Variants in MYRFL observed in about 807,000 individuals in gnomAD.
MYRFL encodes myelin regulatory factor like.
In MYRFL, 88 loss-of-function variants were observed where a neutral mutation model predicts 109.4. The ratio of observed to expected loss-of-function variants is 0.80; its 90% CI spans 0.68 to 0.96. The LOEUF is 0.96. Ranked by LOEUF, MYRFL falls within the 40% of genes least tolerant of loss-of-function variation. The pLI is 0.00. For missense variants in MYRFL, 957 were observed against 954.9 expected (o/e 1.00, Z -0.03); for synonymous variants, 324 against 320.9 (o/e 1.01, Z -0.10).
intron 1 of MYRFL, among the ~76,000 whole-genome samples, chr12:69,841,926 T>A (rs1482866772): frequency 2.0e-5 from 3 of 152,140 alleles, no homozygotes; most frequent in Non-Finnish European, 4.4e-5. Context: ...TTCCCACAAC[T>A]CCTCTGTGAG....
Position 69,886,894 on chromosome 12 carries a change from T to C in MYRFL, c.631T>C (p.Cys211Arg). The change falls in exon 6 of 25, where the codon TGC becomes CGC. Residue 211 changes from cysteine to arginine, a missense_variant. Transcript: ENST00000552032. The part of the protein sequence containing the change: ...EGQNRMPTDQ[C>R]SPALKWQPCH... ...ACAGAACAGAATGCCTACAGACCAG[T>C]GCTCTCCTGCTCTGAAGTGGCAACC... 4 of 1,535,818 alleles carry C rather than the reference T, an allele frequency of 2.6e-6. No individual in the cohort carries two copies. Among genetic ancestry groups the C allele is most frequent in the Non-Finnish European group, 2.6e-6 (3 of 1,146,672 alleles).
intron 21 of MYRFL, 89 bp downstream of exon 21, chr12:69,952,975 C>A: frequency 1.3e-6 from 1 of 788,974 alleles, no homozygotes; most frequent in Admixed American, 2.9e-5. Context: ...GCTAAAGCTA[C>A]ATGATAAAAT....
intron 13 of MYRFL, among the ~76,000 whole-genome samples, chr12:69,924,213 A>T (rs1256679712): frequency 6.9e-6 from 1 of 145,566 alleles, no homozygotes; most frequent in Non-Finnish European, 1.5e-5. Context: ...AAAAAAAAAA[A>T]TCGTAAAATA....
chr12:69,908,679 T>C (rs1009399664), intron 11 of MYRFL, among the ~76,000 whole-genome samples: 2 of 152,238 alleles, frequency 1.3e-5, no homozygotes, highest in Non-Finnish European at 2.9e-5. Flanking sequence ...CACATTGTAA[T>C]ATAATCATAT....
intron 1 of MYRFL, among the ~76,000 whole-genome samples, chr12:69,830,293 T>C (rs1296603944): frequency 2.0e-5 from 3 of 151,280 alleles, no homozygotes; most frequent in Non-Finnish European, 2.9e-5. Flanking sequence ...ATATAGATAA[T>C]ATATAGAGAG....
In MYRFL at chr12:69,863,677, G is replaced by A. The variant is rs558327591; in HGVS notation, c.137+8307G>A. On this transcript the variant is annotated intron_variant, in intron 2 of 24. Transcript: ENST00000552032. ...CTTTGGTTTCAACACTCATGTATAT[G>A]TTGAGGAACTTAAGAGAGAAAAAGT... Among the ~76,000 whole-genome samples, 4 of 152,268 alleles carry A rather than the reference G, an allele frequency of 2.6e-5. No individual in the cohort carries two copies. The East Asian group carries it at 7.7e-4, about 29-fold the overall frequency.
intron 19 of MYRFL, among the ~76,000 whole-genome samples, chr12:69,942,050 A>T (rs1364583646): frequency 7.4e-5 from 11 of 148,624 alleles, no homozygotes; most frequent in African/African-American, 2.0e-4. Context: ...TCAATAGCTT[A>T]CCAACCAAAA....
intron 16 of MYRFL, 30 bp from the exon 17 acceptor site, chr12:69,936,083 T>TTTTG (rs1566038038): frequency 8.0e-6 from 9 of 1,128,908 alleles, no homozygotes; most frequent in Non-Finnish European, 9.3e-6. Flanking sequence ...ATAATGTTTT[T>TTTTG]TTTTTTTTTT....
At position 69,932,739 on chromosome 12, in the gene MYRFL, T is replaced by C. The variant is rs561460413; in HGVS notation, c.1916+141T>C. 3.2e-5 allele frequency: 20 copies of C among 623,416 alleles called. 1 individual carries two copies. The South Asian group carries it at 4.1e-4, about 13-fold the overall frequency. The allele number at this position is 623,416 out of a possible 1,614,324, so 38.6% of individuals were successfully genotyped here. A position where few individuals can be genotyped will look rare whatever the true frequency, so the allele number is the denominator to read the frequency against. On this transcript the variant is annotated intron_variant, in intron 16 of 24. Coordinates refer to ENST00000552032, the MANE Select transcript of MYRFL (RefSeq NM_182530.3). ...AACTAGACACTGAACTCTGATAGCA[T>C]AGAAATGAGGGAACCTTTTTTGAAA...
At chr12:69,943,175 A>G (rs568706948) in intron 19 of MYRFL, among the ~76,000 whole-genome samples, 1 of 151,976 alleles carries the variant, frequency 6.6e-6, no homozygotes, top group East Asian at 1.9e-4. Flanking sequence ...AGAATTGGAA[A>G]AAACTACTTT....
chr12:69,850,144 T>G (rs763804685), intron 1 of MYRFL, among the ~76,000 whole-genome samples: 11 of 152,206 alleles, frequency 7.2e-5, no homozygotes, highest in Non-Finnish European at 1.3e-4. Context: ...TCTGACACCA[T>G]GTGAAATGTG....
At chr12:69,853,539 C>T (rs1226754220) in intron 1 of MYRFL, among the ~76,000 whole-genome samples, 40 of 149,560 alleles carry the variant, frequency 2.7e-4, no homozygotes, top group Non-Finnish European at 4.6e-4. Context: ...AGAGGCGCTC[C>T]CCACATCTCA....
intron 19 of MYRFL, among the ~76,000 whole-genome samples, chr12:69,939,816 G>A (rs1265893500): frequency 2.6e-5 from 4 of 152,000 alleles, no homozygotes; most frequent in Non-Finnish European, 5.9e-5. Context: ...AAGAATGTAT[G>A]ACTAGAATAA....
intron 13 of MYRFL, among the ~76,000 whole-genome samples, chr12:69,920,929 G>A (rs1954891032): frequency 6.6e-6 from 1 of 152,182 alleles, no homozygotes; most frequent in South Asian, 2.1e-4. Flanking sequence ...GTCTCAAACA[G>A]TGAGTAAAAG....
chr12:69,945,754 G>A (rs575109618), intron 19 of MYRFL, among the ~76,000 whole-genome samples: 1 of 151,864 alleles, frequency 6.6e-6, no homozygotes, highest in South Asian at 2.1e-4. Context: ...TTGGGAGGCC[G>A]AGGCGGGCGG....
At chr12:69,929,634 C>A (rs1955211199) in intron 15 of MYRFL, among the ~76,000 whole-genome samples, 1 of 152,168 alleles carries the variant, frequency 6.6e-6, no homozygotes, top group Non-Finnish European at 1.5e-5. Context: ...TGAATAATAA[C>A]AATATCTAAG....
At chr12:69,840,420 A>G (rs2136316365) in intron 1 of MYRFL, among the ~76,000 whole-genome samples, 1 of 152,250 alleles carries the variant, frequency 6.6e-6, no homozygotes, top group South Asian at 2.1e-4. Context: ...CTTAGCTATA[A>G]ATACAGCCAT....
chr12:69,901,832 T>A (rs1295512434), intron 10 of MYRFL, among the ~76,000 whole-genome samples: 1 of 152,058 alleles, frequency 6.6e-6, no homozygotes, highest in African/African-American at 2.4e-5. Flanking sequence ...TACTTTATAC[T>A]CTTCCCCCAC....
At chr12:69,848,711 T>C (rs1883705577) in intron 1 of MYRFL, among the ~76,000 whole-genome samples, 1 of 152,184 alleles carries the variant, frequency 6.6e-6, no homozygotes, top group Admixed American at 6.5e-5. Flanking sequence ...CATTCATAAC[T>C]CTCTTCATTT....
Sources: allele counts gnomAD v4.1 joint callset (sites outside exome capture counted in the v4.1 genomes callset), GRCh38; gene constraint gnomAD v4.1.1; transcripts MANE v1.5; gene names NCBI Gene and HGNC (gene_info 2026-07-23, HGNC 2026-07-21).